Variants in DNAJC3 observed in about 807,000 individuals in gnomAD.
DNAJC3 encodes the protein DnaJ heat shock protein family (Hsp40) member C3.
In DNAJC3, 38 loss-of-function variants were observed where a neutral mutation model predicts 68.6. The ratio of observed to expected loss-of-function variants is 0.55; its 90% CI spans 0.43 to 0.73. The LOEUF (loss-of-function observed/expected upper bound fraction) is 0.73. Among genes scored for constraint, DNAJC3 ranks in the 30% least tolerant of loss-of-function variants. DNAJC3 has a pLI of 0.00. For synonymous variants in DNAJC3, 203 were observed against 204.0 expected, an observed-to-expected ratio of 1.00 and a Z score of 0.04; for missense variants, 526 against 591.9, an observed-to-expected ratio of 0.89 and a Z score of 1.16.
At chr13:95,699,141 T>C (rs935014667) in intron 1 of DNAJC3, among the ~76,000 whole-genome samples, 5 of 152,208 alleles carry the variant, frequency 3.3e-5, no homozygotes, top group African/African-American at 1.2e-4. Context: ...AGTTCTGTTA[T>C]GGAAATGTGA....
At chr13:95,741,871 G>A (rs1593996189) in intron 4 of DNAJC3, among the ~76,000 whole-genome samples, 1 of 152,192 alleles carries the variant, frequency 6.6e-6, no homozygotes, top group Non-Finnish European at 1.5e-5. Context: ...CCAGGATAGT[G>A]TGCTTGGGCA....
intron 9 of DNAJC3, among the ~76,000 whole-genome samples, chr13:95,768,983 T>TTATCTATATCTA (rs67826872): frequency 0.045 from 6,730 of 148,184 alleles, 191 homozygotes; most frequent in East Asian, 0.057. Flanking sequence ...CTCCAAAAAA[T>TTATCTATATCTA]TATCTATATC....
At chr13:95,724,723 G>A (rs1408079057) in intron 3 of DNAJC3, among the ~76,000 whole-genome samples, 2 of 152,132 alleles carry the variant, frequency 1.3e-5, no homozygotes, top group African/African-American at 2.4e-5. Context: ...TTCATATAAT[G>A]TAACATCGTA....
At chr13:95,779,187 T>C (rs565553538) in intron 9 of DNAJC3, among the ~76,000 whole-genome samples, 1 of 148,280 alleles carries the variant, frequency 6.7e-6, no homozygotes, top group Non-Finnish European at 1.5e-5. Context: ...TGCAGTGGCA[T>C]GATTTCAGCT....
intron 9 of DNAJC3, among the ~76,000 whole-genome samples, chr13:95,780,512 C>G (rs149560676): frequency 6.6e-6 from 1 of 152,210 alleles, no homozygotes; most frequent in Non-Finnish European, 1.5e-5. Flanking sequence ...GGCTTTCTCA[C>G]TATTTGCTTC....
intron 4 of DNAJC3, among the ~76,000 whole-genome samples, chr13:95,737,217 T>G (rs1432937944): frequency 2.0e-5 from 3 of 151,818 alleles, no homozygotes; most frequent in Non-Finnish European, 2.9e-5. Context: ...GCTGGATTCG[T>G]TTTGCCAGTA....
chr13:95,739,243 G>A (rs995231254), intron 4 of DNAJC3, among the ~76,000 whole-genome samples: 4 of 152,012 alleles, frequency 2.6e-5, no homozygotes, highest in African/African-American at 9.7e-5. Flanking sequence ...CTTCCTCTCT[G>A]GCTGCCCTTA....
chr13:95,722,815 G>GCCCCCCCCCCCCCCCCCCC (rs759729876), intron 2 of DNAJC3, among the ~76,000 whole-genome samples: 1 of 15,338 alleles, frequency 6.5e-5, no homozygotes, highest in Non-Finnish European at 1.1e-4. Flanking sequence ...CACCTTGTCC[G>GCCCCCCCCCCCCCCCCCCC]CCCCCCCCCC....
At chr13:95,696,185 A>G (rs989927627) in intron 1 of DNAJC3, among the ~76,000 whole-genome samples, 1 of 152,220 alleles carries the variant, frequency 6.6e-6, no homozygotes, top group African/African-American at 2.4e-5. Flanking sequence ...TACATAGTGC[A>G]TACGTTCATT....
At chr13:95,776,909 G>C (rs142009887) in intron 9 of DNAJC3, among the ~76,000 whole-genome samples, 1 of 151,990 alleles carries the variant, frequency 6.6e-6, no homozygotes, top group Admixed American at 6.6e-5. Flanking sequence ...CCCATGTTTC[G>C]TCAGCTGTAT....
chr13:95,678,299 C>A (rs1017284408), intron 1 of DNAJC3, among the ~76,000 whole-genome samples: 3 of 151,858 alleles, frequency 2.0e-5, no homozygotes, highest in Admixed American at 6.6e-5. Flanking sequence ...TTTGAGTATT[C>A]CATTCAAAGG....
chr13:95,701,875 G>A (rs1880594821), intron 1 of DNAJC3, among the ~76,000 whole-genome samples: 1 of 152,142 alleles, frequency 6.6e-6, no homozygotes. Flanking sequence ...TATAGTGTAT[G>A]TATTCCCAAC....
At chr13:95,764,666 A>ACCC (rs1882926433) in intron 9 of DNAJC3, among the ~76,000 whole-genome samples, 2 of 123,832 alleles carry the variant, frequency 1.6e-5, no homozygotes, top group African/African-American at 6.5e-5. Flanking sequence ...ATATATATAT[A>ACCC]TATATATATA....
chr13:95,723,214 TA>T, intron 2 of DNAJC3, 27 bp from the exon 3 acceptor site: 1 of 1,554,740 alleles, frequency 6.4e-7, no homozygotes, highest in East Asian at 2.3e-5. Context: ...AATAAATGAC[TA>T]AGAGGTAATA....
At chr13:95,691,429 A>C (rs1291819802) in intron 1 of DNAJC3, among the ~76,000 whole-genome samples, 1 of 150,020 alleles carries the variant, frequency 6.7e-6, no homozygotes, top group African/African-American at 2.5e-5. Context: ...GCGGCAGGGC[A>C]GAGGTGCTCC....
chr13:95,746,741 G>A (rs1308338390), intron 4 of DNAJC3, among the ~76,000 whole-genome samples: 2 of 152,140 alleles, frequency 1.3e-5, no homozygotes, highest in African/African-American at 4.8e-5. Flanking sequence ...TACTAATGTG[G>A]TGCTGGATAC....
chr13:95,754,193 G>T (rs1447107573), intron 4 of DNAJC3, among the ~76,000 whole-genome samples: 1 of 152,186 alleles, frequency 6.6e-6, no homozygotes, highest in East Asian at 1.9e-4. Flanking sequence ...GTAGCTGAGG[G>T]CTTGGCCAGT....
At chr13:95,772,432 T>C (rs1883182996) in intron 9 of DNAJC3, among the ~76,000 whole-genome samples, 1 of 152,210 alleles carries the variant, frequency 6.6e-6, no homozygotes, top group South Asian at 2.1e-4. Flanking sequence ...GCTTGCTCAG[T>C]TTTAAAAGAA....
At chr13:95,693,586 T>A (rs933946470) in intron 1 of DNAJC3, 2 of 148,964 alleles carry the variant, frequency 1.3e-5, no homozygotes, top group East Asian at 3.9e-4. Context: ...ATCTAAAACT[T>A]ACAGCCCTTA....
Sources: gnomAD v4.1 joint callset for allele counts (sites outside exome capture counted in the v4.1 genomes callset) on GRCh38, gnomAD v4.1.1 for gene constraint, MANE v1.5 for transcripts, NCBI Gene and HGNC (gene_info 2026-07-23, HGNC 2026-07-21) for gene names.